PTK6: variants seen among roughly 807,000 people sequenced by gnomAD.
The protein encoded by PTK6 is protein tyrosine kinase 6, also known as protein-tyrosine kinase 6.
Under a neutral mutation model 47.5 loss-of-function variants are expected in PTK6, and 47 were observed. That is an observed-to-expected ratio of 0.99 (90% CI 0.78 to 1.26). The LOEUF (loss-of-function observed/expected upper bound fraction) is 1.26, where lower values mean the gene tolerates loss of function less well. Ranked by LOEUF, PTK6 falls within the 50% of genes most tolerant of loss-of-function variation. PTK6 has a pLI of 0.00. For missense variants in PTK6, 618 were observed against 625.3 expected, an observed-to-expected ratio of 0.99 and a Z score of 0.12; for synonymous variants, 287 against 276.5, an observed-to-expected ratio of 1.04 and a Z score of -0.38.
rs199858998 is a variant in PTK6 at position 63,533,081 on chromosome 20, TTC to T, written c.671-396_671-395del. On this transcript the variant is annotated intron_variant, in intron 4 of 7. Coordinates refer to ENST00000542869, the MANE Select transcript of PTK6 (RefSeq NM_005975.4). The surrounding 1 kb of genome is among the most constrained non-coding windows in gnomAD (Gnocchi z 4.0). Reference sequence around the variant, plus strand: ...TTCTTTCTTTCTTTCTTTTTTTTTTTTCCCAAGACGGGGTCTTGCTCTGTCGC... The same window carrying T: ...TTCTTTCTTTCTTTCTTTTTTTTTTTCCAAGACGGGGTCTTGCTCTGTCGC... Among the ~76,000 whole-genome samples the T allele has an allele frequency of 4.7e-5, 7 of 149,892 alleles. No homozygotes were observed. The highest frequency in any genetic ancestry group is 7.6e-5 in the African/African-American group (3 of 39,426).
intron 1 of PTK6, among the ~76,000 whole-genome samples, chr20:63,535,479 G>T (rs960043677): frequency 6.6e-6 from 1 of 152,034 alleles, no homozygotes; most frequent in African/African-American, 2.4e-5. Context: ...ACGCGCATGT[G>T]TGCTCACTTG....
chr20:63,532,530 G>A lies in PTK6; in HGVS notation c.828C>T (p.Leu276=). Reference sequence around the variant, plus strand: ...GCCCCGGCCCATGCCACTCACCGCGGAGCAGCTCCAGCAGGCTGCCCTTGG... The same window carrying A: ...GCCCCGGCCCATGCCACTCACCGCGAAGCAGCTCCAGCAGGCTGCCCTTGG... ...LMAKGSLLEL[L]RDSDEKVLPV... is the part of the protein sequence containing the mutation. The change falls in exon 5 of 8, where the codon CTC becomes CTT. Residue 276 remains leucine, a synonymous_variant. Coordinates refer to ENST00000542869, the MANE Select transcript of PTK6 (RefSeq NM_005975.4). 1 of 1,610,626 alleles carries A rather than the reference G, an allele frequency of 6.2e-7. No homozygotes were observed. The highest frequency in any genetic ancestry group is 8.5e-7 in the Non-Finnish European group (1 of 1,177,714).
intron 1 of PTK6, among the ~76,000 whole-genome samples, chr20:63,535,711 T>C (rs1208179157): frequency 6.8e-6 from 1 of 147,882 alleles, no homozygotes; most frequent in Non-Finnish European, 1.5e-5. Context: ...CCCCTCCACT[T>C]CCGCACACCT....
rs1044998140 is a variant in PTK6 at position 63,529,874 on chromosome 20, C to T, written c.1169-151G>A. On this transcript the variant is annotated intron_variant, in intron 7 of 7. Transcript: ENST00000542869. This position sits in a 1 kb window ranked among gnomAD's most constrained non-coding sequence, Gnocchi z 5.6. Reference sequence around the variant, plus strand: ...CACCCAGCACACTGTCCACTGCTAACACCTCCCTCTGGACAGGGCTCCAAC... The same window carrying T: ...CACCCAGCACACTGTCCACTGCTAATACCTCCCTCTGGACAGGGCTCCAAC... The T allele has an allele frequency of 5.6e-5, 62 of 1,102,584 alleles. No homozygotes were observed. Among genetic ancestry groups the T allele is most frequent in the Non-Finnish European group, 7.5e-5 (59 of 788,668 alleles). 68.3% of individuals were successfully genotyped at this position (1,102,584 alleles called of 1,614,324 possible).
intron 5 of PTK6, among the ~76,000 whole-genome samples, chr20:63,532,272 C>CTG (rs753034107): frequency 1.7e-5 from 2 of 117,274 alleles, no homozygotes; most frequent in Non-Finnish European, 3.0e-5. Flanking sequence ...ATGTGTATGT[C>CTG]TGTGTGTGTC....
Position 63,534,189 on chromosome 20 carries a change from AG to A in PTK6, c.478del (p.Leu160CysfsTer61), listed in dbSNP as rs2082646541. The A allele has an allele frequency of 6.4e-7, 1 of 1,571,204 alleles. No individual in the cohort carries two copies. The highest frequency in any genetic ancestry group is 8.6e-7 in the Non-Finnish European group (1 of 1,159,484). On this transcript the variant is annotated frameshift_variant, in exon 3 of 8. Transcript: ENST00000542869. LOFTEE classifies it high-confidence loss of function. The stretch of plus-strand genomic sequence containing the variant: ...CGCGGCCAGCCGCAGGCCGTGGGAC[AG>A]GCTCTGGGCCCTGTGGTAGTTCACA... ...ELVNYHRAQSLSHGLRLAAPC... is the reference protein window; with the variant it reads ...ELVNYHRAQSXSHGLRLAAPC...
rs528216473 is a variant in PTK6, at chr20:63,535,142, A to T, written c.231-83T>A. The T allele has an allele frequency of 1.8e-5, 27 of 1,471,988 alleles. No individual in the cohort carries two copies. In the East Asian group the frequency reaches 5.3e-4, roughly 29 times the overall value. The allele number at this position is 1,471,988 out of a possible 1,614,324, so 91.2% of individuals were successfully genotyped here. A position where few individuals can be genotyped will look rare whatever the true frequency, so the allele number is the denominator to read the frequency against. ...GCTGGCCCCAGCCTGCCCGCCTGGA[A>T]CCCCAGCCGCCCTTGCCTGCCACCT... is the stretch of plus-strand genomic sequence containing the variant. On this transcript the variant is annotated intron_variant, in intron 1 of 7. Coordinates refer to ENST00000542869, the MANE Select transcript of PTK6 (RefSeq NM_005975.4).
Position 63,529,577 on chromosome 20 carries a change from C to G in PTK6, c.1315G>C (p.Glu439Gln). The G allele has an allele frequency of 6.3e-7, 1 of 1,575,730 alleles. No homozygotes were observed. Among genetic ancestry groups the G allele is most frequent in the Non-Finnish European group, 8.6e-7 (1 of 1,160,660 alleles). ...EQRPCFKALR[E>Q]RLSSFTSYEN... ...TAGCTGGTGAAGCTGGAGAGCCTCT[C>G]CCGCAGGGCCTTGAAGCAGGGTCTC... The change falls in exon 8 of 8, where the codon GAG becomes CAG. Residue 439 changes from glutamate (E) to glutamine (Q), a missense_variant. Transcript: ENST00000542869. The surrounding 1 kb of genome is among the most constrained non-coding windows in gnomAD (Gnocchi z 5.6).
At position 63,529,918 on chromosome 20, in the gene PTK6, G is replaced by A; in HGVS notation, c.1168+160C>T. 9.0e-7 allele frequency: 1 copy of A among 1,112,742 alleles called. No homozygotes were observed. Among genetic ancestry groups the A allele is most frequent in the Non-Finnish European group, 1.3e-6 (1 of 798,296 alleles). 68.9% of individuals were successfully genotyped at this position (1,112,742 alleles called of 1,614,324 possible). A position where few individuals can be genotyped will look rare whatever the true frequency, so the allele number is the denominator to read the frequency against. ...CTCCAACAGGCAGCTCCAGGCACCA[G>A]CCTGGGTGCTCAGAGAATGGTGCAG... is the stretch of plus-strand genomic sequence containing the variant. On this transcript the variant is annotated intron_variant, in intron 7 of 7. Coordinates refer to ENST00000542869, the MANE Select transcript of PTK6 (RefSeq NM_005975.4). The surrounding 1 kb of genome is among the most constrained non-coding windows in gnomAD (Gnocchi z 5.6).
At position 63,529,957 on chromosome 20, in the gene PTK6, G is replaced by A. The variant is rs2082604588; in HGVS notation, c.1168+121C>T. The A allele has an allele frequency of 7.7e-7, 1 of 1,295,684 alleles. No individual in the cohort carries two copies. Among genetic ancestry groups the A allele is most frequent in the Non-Finnish European group, 1.1e-6 (1 of 948,878 alleles). The allele number at this position is 1,295,684 out of a possible 1,614,324, so 80.3% of individuals were successfully genotyped here. On this transcript the variant is annotated intron_variant, in intron 7 of 7. Coordinates refer to ENST00000542869, the MANE Select transcript of PTK6 (RefSeq NM_005975.4). This position sits in a 1 kb window ranked among gnomAD's most constrained non-coding sequence, Gnocchi z 5.6. ...AGAATGGTGCAGGTGTGGAGTTCAG[G>A]CGATGGCCCGCGGAGGGCCCTGAAG...
In PTK6 at chr20:63,529,732, G is replaced by T; in HGVS notation, c.1169-9C>A. 6.5e-7 allele frequency: 1 copy of T among 1,535,112 alleles called. No homozygotes were observed. The highest frequency in any genetic ancestry group is 8.8e-7 in the Non-Finnish European group (1 of 1,142,520). On this transcript the variant is annotated splice_polypyrimidine_tract_variant and intron_variant, in intron 7 of 7. Coordinates refer to ENST00000542869, the MANE Select transcript of PTK6 (RefSeq NM_005975.4). This position sits in a 1 kb window ranked among gnomAD's most constrained non-coding sequence, Gnocchi z 5.6. ...CTCATGGTTGGACATGCCTGCGGCC[G>T]ACAGGGATGAGAAGAGCTGGGGCCC... is the stretch of plus-strand genomic sequence containing the variant.
intron 1 of PTK6, among the ~76,000 whole-genome samples, chr20:63,535,497 G>T (rs1020390673): frequency 6.6e-6 from 1 of 151,962 alleles, no homozygotes; most frequent in Non-Finnish European, 1.5e-5. Context: ...TTGCCCACAC[G>T]CTCACACGCA....
chr20:63,536,701 C>G (rs1401201648), intron 1 of PTK6, among the ~76,000 whole-genome samples: 1 of 152,186 alleles, frequency 6.6e-6, no homozygotes, highest in Non-Finnish European at 1.5e-5. Flanking sequence ...CTTCGTTTCC[C>G]CCAAAGGCCC....
chr20:63,532,413 G>A, intron 5 of PTK6, 113 bp downstream of exon 5: 4 of 1,342,234 alleles, frequency 3.0e-6, no homozygotes, highest in Non-Finnish European at 3.0e-6. Context: ...GTGTGTGTCT[G>A]TGTGTCTGTG....
intron 4 of PTK6, 40 bp from the exon 5 acceptor site, chr20:63,532,727 C>A: frequency 6.3e-7 from 1 of 1,599,480 alleles, no homozygotes; most frequent in African/African-American, 1.3e-5. Flanking sequence ...AGCCCCTGAC[C>A]CCCCAGGCCC....
At chr20:63,535,211 T>C (rs903502735) in intron 1 of PTK6, 152 bp from the exon 2 acceptor site, 13 of 1,209,606 alleles carry the variant, frequency 1.1e-5, no homozygotes, top group Non-Finnish European at 1.4e-5. Flanking sequence ...GAGCTGTCGC[T>C]GACCCAGACG....
intron 1 of PTK6, among the ~76,000 whole-genome samples, chr20:63,536,711 C>T (rs1420947836): frequency 3.9e-5 from 6 of 152,210 alleles, no homozygotes; most frequent in Admixed American, 2.0e-4. Context: ...CCCAAAGGCC[C>T]TGGAACGCTC....
rs1199995195 is a variant in PTK6 at position 63,537,257 on chromosome 20, T to C, written c.58A>G (p.Lys20Glu). 1.2e-6 allele frequency: 2 copies of C among 1,612,396 alleles called. No homozygotes were observed. The highest frequency in any genetic ancestry group is 3.3e-5 in the Admixed American group (2 of 59,994). The change falls in exon 1 of 8, where the codon AAG becomes GAG. Residue 20 changes from lysine (K) to glutamate (E), a missense_variant. Transcript: ENST00000542869. ...GPKYVGLWDF[K>E]SRTDEELSFR... ...CTCAGCTCCTCGTCCGTCCGGGACT[T>C]GAAGTCCCAGAGGCCCACATACTTG... is the stretch of plus-strand genomic sequence containing the variant.
Position 63,533,865 on chromosome 20 carries a change from GCTGCCCC to G in PTK6, c.517-168_517-162del, listed in dbSNP as rs2082644027. Among the ~76,000 whole-genome samples the G allele has an allele frequency of 6.6e-6, 1 of 152,098 alleles. No homozygotes were observed. The highest frequency in any genetic ancestry group is 1.5e-5 in the Non-Finnish European group (1 of 68,000). ...GACACAAGGGTGGACTCTCCTGGGG[GCTGCCCC>G]CAGCCCAGCATGAAACACCCAGACA... On this transcript the variant is annotated intron_variant, in intron 3 of 7. Transcript: ENST00000542869. The surrounding 1 kb of genome is among the most constrained non-coding windows in gnomAD (Gnocchi z 4.0).
Sources: gnomAD v4.1 joint callset for allele counts (sites outside exome capture counted in the v4.1 genomes callset) on GRCh38, gnomAD v4.1.1 for gene constraint, Gnocchi (gnomAD v3.1) non-coding constraint, MANE v1.5 for transcripts, NCBI Gene and HGNC (gene_info 2026-07-23, HGNC 2026-07-21) for gene names.